Variants in TMEM132B observed in about 807,000 individuals in gnomAD.
TMEM132B encodes transmembrane protein 132B.
Under a neutral mutation model 90.8 loss-of-function variants are expected in TMEM132B, and 18 were observed. The observed-to-expected ratio is 0.20, with a 90% CI of 0.14 to 0.29. TMEM132B has a LOEUF of 0.29. Ranked by LOEUF, TMEM132B falls within the 10% of genes least tolerant of loss-of-function variation. The pLI, the probability that TMEM132B is intolerant of heterozygous loss-of-function variation, is 1.00. For missense variants in TMEM132B, 1,096 were observed against 1,326.8 expected, an observed-to-expected ratio of 0.83 and a Z score of 2.70; for synonymous variants, 504 against 523.3, an observed-to-expected ratio of 0.96 and a Z score of 0.50.
chr12:125,556,560 G>A (rs1216724051), intron 4 of TMEM132B, among the ~76,000 whole-genome samples: 1 of 152,162 alleles, frequency 6.6e-6, no homozygotes, highest in Non-Finnish European at 1.5e-5. Flanking sequence ...ATAAAGTTGA[G>A]TCTTTGAGAA....
At chr12:125,544,111 A>T (rs985314651) in intron 4 of TMEM132B, among the ~76,000 whole-genome samples, 1 of 152,194 alleles carries the variant, frequency 6.6e-6, no homozygotes, top group African/African-American at 2.4e-5. Context: ...AGAAAACCAA[A>T]CACTGCATGT....
intron 4 of TMEM132B, among the ~76,000 whole-genome samples, chr12:125,524,968 A>T (rs1047434327): frequency 1.3e-5 from 2 of 152,268 alleles, no homozygotes; most frequent in East Asian, 3.9e-4. Flanking sequence ...CTTGAAGGTG[A>T]ATGGACATTA....
intron 2 of TMEM132B, among the ~76,000 whole-genome samples, chr12:125,368,506 T>G (rs1045844015): frequency 5.3e-5 from 8 of 152,362 alleles, no homozygotes; most frequent in African/African-American, 1.9e-4. Context: ...AAATTTTTAT[T>G]TATTCATTGT....
chr12:125,198,558 T>C (rs553416397), intron 1 of TMEM132B, among the ~76,000 whole-genome samples: 87 of 152,312 alleles, frequency 5.7e-4, no homozygotes, highest in African/African-American at 2.1e-3. Flanking sequence ...ATTTGGGTCA[T>C]GTGCTGACCC....
At chr12:125,255,004 G>A (rs994621813) in intron 1 of TMEM132B, among the ~76,000 whole-genome samples, 3 of 152,272 alleles carry the variant, frequency 2.0e-5, no homozygotes, top group South Asian at 2.1e-4. Context: ...TACTTTAAAC[G>A]ATGGGGACTG....
chr12:125,442,844 A>G (rs1880912981), intron 3 of TMEM132B, among the ~76,000 whole-genome samples: 1 of 152,194 alleles, frequency 6.6e-6, no homozygotes, highest in Non-Finnish European at 1.5e-5. Context: ...GACTTATTTT[A>G]GTTTTGACAA....
intron 1 of TMEM132B, among the ~76,000 whole-genome samples, chr12:125,332,426 A>G (rs1054391566): frequency 6.6e-6 from 1 of 150,826 alleles, no homozygotes; most frequent in African/African-American, 2.4e-5. Flanking sequence ...TTCTTCATCA[A>G]TTTTTTTTTC....
intron 2 of TMEM132B, among the ~76,000 whole-genome samples, chr12:125,372,024 G>C (rs1384228214): frequency 6.6e-6 from 1 of 152,180 alleles, no homozygotes; most frequent in Non-Finnish European, 1.5e-5. Flanking sequence ...CAAATGCATT[G>C]TGCCAACTGT....
chr12:125,343,198 A>G (rs1877248116), intron 1 of TMEM132B, among the ~76,000 whole-genome samples: 1 of 152,184 alleles, frequency 6.6e-6, no homozygotes. Flanking sequence ...AGGCTCCAGG[A>G]TATGTAAGGT....
intron 1 of TMEM132B, among the ~76,000 whole-genome samples, chr12:125,324,817 C>T (rs553751843): frequency 4.6e-5 from 7 of 152,278 alleles, no homozygotes; most frequent in African/African-American, 1.2e-4. Context: ...CAACTGAGAT[C>T]GTGTTCCCTT....
chr12:125,597,999 T>C (rs888534769), intron 5 of TMEM132B, among the ~76,000 whole-genome samples: 2 of 152,136 alleles, frequency 1.3e-5, no homozygotes, highest in Admixed American at 1.3e-4. Context: ...GAATTGGCAA[T>C]GGGAGCGTTT....
intron 2 of TMEM132B, among the ~76,000 whole-genome samples, chr12:125,373,817 C>T (rs1031875564): frequency 1.3e-5 from 2 of 150,314 alleles, no homozygotes; most frequent in Non-Finnish European, 3.0e-5. Flanking sequence ...TGTTTTGAAA[C>T]GGAGTTTCAC....
chr12:125,386,428 G>A (rs1485077433), intron 2 of TMEM132B, among the ~76,000 whole-genome samples: 1 of 152,218 alleles, frequency 6.6e-6, no homozygotes, highest in Non-Finnish European at 1.5e-5. Flanking sequence ...CACCATTGGT[G>A]TTTTATGAAT....
intron 2 of TMEM132B, among the ~76,000 whole-genome samples, chr12:125,370,787 G>A (rs534006398): frequency 6.6e-6 from 1 of 152,358 alleles, no homozygotes. Context: ...ACACATGTGA[G>A]TTGATGGAAA....
intron 4 of TMEM132B, among the ~76,000 whole-genome samples, chr12:125,555,713 T>TAA (rs57444725): frequency 2.9e-4 from 43 of 149,292 alleles, no homozygotes; most frequent in African/African-American, 1.1e-3. Context: ...TAAAGTATAG[T>TAA]AAAAAAAAAT....
At chr12:125,211,904 T>A (rs528228416) in intron 1 of TMEM132B, among the ~76,000 whole-genome samples, 1 of 152,334 alleles carries the variant, frequency 6.6e-6, no homozygotes, top group African/African-American at 2.4e-5. Flanking sequence ...TAAACACCCT[T>A]GTGAATTGCA....
intron 2 of TMEM132B, among the ~76,000 whole-genome samples, chr12:125,372,763 T>C (rs973655869): frequency 1.3e-5 from 2 of 152,126 alleles, no homozygotes; most frequent in Admixed American, 6.5e-5. Context: ...GGGAATGAAG[T>C]GAGTAAAGGG....
intron 2 of TMEM132B, among the ~76,000 whole-genome samples, chr12:125,386,946 C>T (rs1364310244): frequency 2.6e-5 from 4 of 152,080 alleles, no homozygotes; most frequent in Non-Finnish European, 5.9e-5. Flanking sequence ...CTTTGTATTC[C>T]TCTGGGTGTG....
At chr12:125,206,439 T>C (rs1436247818) in intron 1 of TMEM132B, among the ~76,000 whole-genome samples, 3 of 152,150 alleles carry the variant, frequency 2.0e-5, no homozygotes, top group Non-Finnish European at 4.4e-5. Flanking sequence ...GGTTTCACCA[T>C]GTTGGCCAGG....
Sources: gnomAD v4.1 joint callset for allele counts (sites outside exome capture counted in the v4.1 genomes callset) on GRCh38, gnomAD v4.1.1 for gene constraint, MANE v1.5 for transcripts, NCBI Gene and HGNC (gene_info 2026-07-23, HGNC 2026-07-21) for gene names.